TTLL7: variants seen among roughly 807,000 people sequenced by gnomAD.
TTLL7 encodes tubulin tyrosine ligase like 7.
TTLL7 carries 53 observed loss-of-function variants against 120.2 expected under a neutral mutation model. The ratio of observed to expected loss-of-function variants is 0.44; its 90% CI spans 0.35 to 0.55. The LOEUF (loss-of-function observed/expected upper bound fraction) is 0.55, where lower values mean the gene tolerates loss of function less well. Ranked by LOEUF, TTLL7 falls within the 20% of genes least tolerant of loss-of-function variation. The probability of loss-of-function intolerance (pLI) is 0.00; values close to 1 mark genes in which losing one functional copy is unlikely to be tolerated. For missense variants in TTLL7, 803 were observed against 1,054.7 expected, an observed-to-expected ratio of 0.76 and a Z score of 3.31; for synonymous variants, 353 against 351.7, an observed-to-expected ratio of 1.00 and a Z score of -0.04.
At chr1:83,892,971 G>GAAA in intron 18 of TTLL7, among the ~76,000 whole-genome samples, 2 of 142,598 alleles carry the variant, frequency 1.4e-5, no homozygotes, top group African/African-American at 5.2e-5. Context: ...AAGAAAGAAA[G>GAAA]AGAAAAAAGA....
chr1:83,882,372 A>T (rs1654592145), intron 20 of TTLL7, among the ~76,000 whole-genome samples: 1 of 151,152 alleles, frequency 6.6e-6, no homozygotes, highest in African/African-American at 2.4e-5. Context: ...TCTAATGAGA[A>T]CTACAGTTGT....
chr1:83,892,702 A>ATATATG (rs1655768050), intron 18 of TTLL7, among the ~76,000 whole-genome samples: 2 of 111,668 alleles, frequency 1.8e-5, no homozygotes, highest in African/African-American at 7.6e-5. Flanking sequence ...GAACATATAT[A>ATATATG]TGAACATATG....
rs181102828 is a variant in TTLL7 at position 83,980,022 on chromosome 1, A to C, written c.-177+18909T>G. The C allele has an allele frequency of 8.5e-5, 13 of 152,378 alleles. No individual in the cohort carries two copies. In the East Asian group the frequency reaches 2.5e-3, roughly 29 times the overall value. 9.4% of individuals were successfully genotyped at this position (152,378 alleles called of 1,614,324 possible). ...AATCTTCTGGAATGCTTGTGCAATT[A>C]CTACAAATTAATTTTACACTTCTGT... On this transcript the variant is annotated intron_variant, in intron 1 of 20. Transcript: ENST00000260505.
At position 83,870,119 on chromosome 1, in the gene TTLL7, C is replaced by A. The variant is rs751670596; in HGVS notation, c.2544-37G>T. 10 of 1,520,548 alleles carry A rather than the reference C, an allele frequency of 6.6e-6. No individual in the cohort carries two copies. In the African/African-American group the frequency reaches 1.3e-4, roughly 20 times the overall value. The allele number at this position is 1,520,548 out of a possible 1,614,324, so 94.2% of individuals were successfully genotyped here. A position where few individuals can be genotyped will look rare whatever the true frequency, so the allele number is the denominator to read the frequency against. ...GGTTAACAAATTAGATTTTTACAAG[C>A]AAATTATAACTAACTCACTAAAGGG... On this transcript the variant is annotated intron_variant, in intron 20 of 20. Transcript: ENST00000260505.
intron 10 of TTLL7, among the ~76,000 whole-genome samples, chr1:83,924,255 A>G (rs1274783400): frequency 1.3e-5 from 2 of 152,210 alleles, no homozygotes; most frequent in Non-Finnish European, 2.9e-5. Context: ...TGATGATAGC[A>G]CAAAGGAGTT....
In TTLL7 at chr1:83,867,621, C is replaced by G. The variant is rs2100684650; in HGVS notation, c.*2341G>C. 1 of 151,674 alleles carries G rather than the reference C, an allele frequency of 6.6e-6. No individual in the cohort carries two copies. Among genetic ancestry groups the G allele is most frequent in the Admixed American group, 6.6e-5 (1 of 15,204 alleles). 9.4% of individuals were successfully genotyped at this position (151,674 alleles called of 1,614,324 possible). ...TTTTGTTTTAAATACAAATTTTGCT[C>G]TGGTACAAAAGTTGCAAAGCACACA... is the stretch of plus-strand genomic sequence containing the variant. On this transcript the variant is annotated 3_prime_UTR_variant, in exon 21 of 21. Coordinates refer to ENST00000260505, the MANE Select transcript of TTLL7 (RefSeq NM_024686.6).
intron 9 of TTLL7, among the ~76,000 whole-genome samples, chr1:83,932,034 C>T (rs990558669): frequency 1.3e-5 from 2 of 151,956 alleles, no homozygotes; most frequent in Non-Finnish European, 2.9e-5. Flanking sequence ...CTAGAAACAA[C>T]GAAGGAAAGA....
At chr1:83,880,145 T>C (rs1028640168) in intron 20 of TTLL7, 2 of 152,024 alleles carry the variant, frequency 1.3e-5, no homozygotes, top group Admixed American at 6.6e-5. Flanking sequence ...TTTTAAATCA[T>C]ATAAAAGTAT....
chr1:83,937,182 C>T (rs1045583063), intron 8 of TTLL7, among the ~76,000 whole-genome samples: 2 of 151,450 alleles, frequency 1.3e-5, no homozygotes, highest in South Asian at 2.1e-4. Context: ...GTATTACAAT[C>T]GCCTACACTA....
At chr1:83,906,296 C>T (rs975894605) in intron 17 of TTLL7, 33 bp downstream of exon 17, 14 of 1,561,412 alleles carry the variant, frequency 9.0e-6, no homozygotes, top group Admixed American at 1.8e-5. Flanking sequence ...AAGGTACCAG[C>T]TCCTTGGCAT....
At chr1:83,967,433 G>A (rs749816027) in intron 1 of TTLL7, among the ~76,000 whole-genome samples, 8 of 152,108 alleles carry the variant, frequency 5.3e-5, no homozygotes, top group Non-Finnish European at 7.4e-5. Context: ...GGTCAGGGCT[G>A]AGAATCTTCA....
intron 8 of TTLL7, among the ~76,000 whole-genome samples, chr1:83,935,330 A>C (rs1647289241): frequency 6.6e-6 from 1 of 152,120 alleles, no homozygotes; most frequent in Admixed American, 6.6e-5. Context: ...CAGACCCTGA[A>C]TTACAAATCT....
At chr1:83,937,376 T>C (rs956388818) in intron 8 of TTLL7, among the ~76,000 whole-genome samples, 2 of 152,026 alleles carry the variant, frequency 1.3e-5, no homozygotes, top group Non-Finnish European at 2.9e-5. Context: ...TAATTTTTTA[T>C]ATTTTTGGTA....
chr1:83,964,748 CA>C (rs1430647855), intron 1 of TTLL7, among the ~76,000 whole-genome samples: 2 of 152,036 alleles, frequency 1.3e-5, no homozygotes, highest in Non-Finnish European at 2.9e-5. Context: ...CTGATCATAT[CA>C]ATGAGAGATA....
chr1:83,936,226 C>T (rs566627872), intron 8 of TTLL7, among the ~76,000 whole-genome samples: 19 of 152,242 alleles, frequency 1.2e-4, no homozygotes, highest in African/African-American at 3.6e-4. Context: ...AACCAATACA[C>T]GTAAAGCTAA....
At chr1:83,872,217 ATAAT>A (rs1383229990) in intron 20 of TTLL7, among the ~76,000 whole-genome samples, 1 of 152,232 alleles carries the variant, frequency 6.6e-6, no homozygotes, top group Non-Finnish European at 1.5e-5. Context: ...CAAACTATAA[ATAAT>A]TACTCAAATC....
chr1:83,990,438 G>A (rs1652889993), intron 1 of TTLL7, among the ~76,000 whole-genome samples: 1 of 152,068 alleles, frequency 6.6e-6, no homozygotes, highest in Admixed American at 6.5e-5. Context: ...GCCTCCCAAA[G>A]TGCTGGGATT....
At chr1:83,976,196 A>C (rs2100586600) in intron 1 of TTLL7, among the ~76,000 whole-genome samples, 1 of 152,062 alleles carries the variant, frequency 6.6e-6, no homozygotes, top group South Asian at 2.1e-4. Context: ...CAATCCAGAA[A>C]TGTTATTCAT....
intron 19 of TTLL7, among the ~76,000 whole-genome samples, chr1:83,883,449 G>A (rs1654702430): frequency 6.6e-6 from 1 of 151,900 alleles, no homozygotes; most frequent in East Asian, 1.9e-4. Context: ...CTATTCACAG[G>A]CACAATCATG....
Sources: allele counts gnomAD v4.1 joint callset (sites outside exome capture counted in the v4.1 genomes callset), GRCh38; gene constraint gnomAD v4.1.1; transcripts MANE v1.5; gene names NCBI Gene and HGNC (gene_info 2026-07-23, HGNC 2026-07-21).